The following ESRRG variants were observed in gnomAD, a reference collection of about 807,000 sequenced individuals.
ESRRG encodes the protein estrogen related receptor gamma.
A neutral mutation model predicts 44.0 loss-of-function variants in ESRRG; 13 were observed. The observed-to-expected ratio is 0.30, with a 90% CI of 0.19 to 0.47. The LOEUF (loss-of-function observed/expected upper bound fraction) is 0.47, where lower values mean the gene tolerates loss of function less well. Among genes scored for constraint, ESRRG ranks in the 20% least tolerant of loss-of-function variants. The pLI is 1.00. For synonymous variants in ESRRG, 215 were observed against 214.6 expected (o/e 1.00, Z -0.02); for missense variants, 395 against 580.6 (o/e 0.68, Z 3.29).
intron 2 of ESRRG, among the ~76,000 whole-genome samples, chr1:216,873,017 T>A (rs996000048): frequency 3.3e-5 from 5 of 152,144 alleles, no homozygotes; most frequent in African/African-American, 1.2e-4. Context: ...ATGGCTATGG[T>A]TTCAAAACTA....
chr1:216,973,498 G>A (rs1460280141), intron 1 of ESRRG, among the ~76,000 whole-genome samples: 1 of 152,166 alleles, frequency 6.6e-6, no homozygotes, highest in East Asian at 1.9e-4. Context: ...GGGCCCAGAA[G>A]CAGTGCTGGA....
At chr1:216,727,870 C>G (rs886470342), upstream of ESRRG, among the ~76,000 whole-genome samples, 1 of 152,056 alleles carries the variant, frequency 6.6e-6, no homozygotes, top group Admixed American at 6.5e-5. Flanking sequence ...ACACTAAACT[C>G]TTTTCCCACT....
intron 2 of ESRRG, among the ~76,000 whole-genome samples, chr1:216,807,766 G>A (rs1023280544): frequency 5.9e-5 from 9 of 151,990 alleles, no homozygotes; most frequent in African/African-American, 2.2e-4. Context: ...GGAGTAGATG[G>A]GTGAAAGAGA....
chr1:216,620,962 A>C (rs2062130963), intron 3 of ESRRG, among the ~76,000 whole-genome samples: 1 of 152,208 alleles, frequency 6.6e-6, no homozygotes, highest in East Asian at 1.9e-4. Flanking sequence ...AGATAATATC[A>C]ATATTGACAT....
chr1:216,654,354 C>T (rs1172843923), intron 2 of ESRRG, among the ~76,000 whole-genome samples: 8 of 151,904 alleles, frequency 5.3e-5, no homozygotes, highest in Non-Finnish European at 7.4e-5. Flanking sequence ...AAGCCAGGTG[C>T]GATGGCTCAC....
chr1:216,507,090 T>C lies in ESRRG; in HGVS notation c.1226A>G (p.Glu409Gly). The C allele has an allele frequency of 6.2e-7, 1 of 1,614,090 alleles. No individual in the cohort carries two copies. Among genetic ancestry groups the C allele is most frequent in the Non-Finnish European group, 8.5e-7 (1 of 1,180,024 alleles). ...LQDYEAGQHM[E>G]DPRRAGKMLM... ...CATCTTGCCAGCTCGACGAGGGTCT[T>C]CCATGTGCTGGCCAGCTTCATAATC... is the stretch of plus-strand genomic sequence containing the variant. The change falls in exon 7 of 7, where the codon GAA (glutamate) becomes GGA (glycine). Residue 409 changes from glutamate (E) to glycine (G), a missense_variant. This residue lies in a region of ESRRG where 167 missense variants were observed against 251.8 expected (regional missense o/e 0.66). Coordinates refer to ENST00000408911, the MANE Select transcript of ESRRG (RefSeq NM_001438.4).
intron 2 of ESRRG, among the ~76,000 whole-genome samples, chr1:216,840,110 C>A (rs868602024): frequency 5.3e-5 from 8 of 152,006 alleles, no homozygotes; most frequent in African/African-American, 1.9e-4. Flanking sequence ...CTAGATGGCA[C>A]CTTCTTCCAA....
At chr1:216,511,230 A>G (rs1487759683) in intron 6 of ESRRG, among the ~76,000 whole-genome samples, 1 of 152,170 alleles carries the variant, frequency 6.6e-6, no homozygotes. Flanking sequence ...CATGGAAAGA[A>G]TAGAGAAGTG....
chr1:216,666,299 T>C (rs1256848736), intron 2 of ESRRG, among the ~76,000 whole-genome samples: 2 of 152,240 alleles, frequency 1.3e-5, no homozygotes, highest in Non-Finnish European at 2.9e-5. Context: ...ATATACCCTA[T>C]CTGGCTTTAG....
At chr1:217,066,048 G>A (rs2089603326) in intron 1 of ESRRG, among the ~76,000 whole-genome samples, 1 of 152,118 alleles carries the variant, frequency 6.6e-6, no homozygotes, top group Admixed American at 6.5e-5. Context: ...ATTATCATGT[G>A]GACAGTCACT....
intron 1 of ESRRG, among the ~76,000 whole-genome samples, chr1:217,082,560 C>T (rs550645924): frequency 5.3e-5 from 8 of 152,078 alleles, no homozygotes; most frequent in East Asian, 1.9e-4. Context: ...TCAGGGGATA[C>T]GTGCACACAC....
intron 1 of ESRRG, among the ~76,000 whole-genome samples, chr1:217,037,263 T>C (rs996709978): frequency 5.9e-5 from 9 of 152,202 alleles, no homozygotes; most frequent in South Asian, 2.1e-4. Context: ...TTAGTCTGTT[T>C]TTATGCTGCT....
intron 1 of ESRRG, among the ~76,000 whole-genome samples, chr1:216,962,514 C>T (rs903412143): frequency 3.9e-5 from 6 of 152,140 alleles, no homozygotes; most frequent in African/African-American, 1.4e-4. Context: ...AGTCCTGCAT[C>T]TGTTGTCTCA....
chr1:216,848,354 C>CTTG (rs142497018), intron 2 of ESRRG, among the ~76,000 whole-genome samples: 5,046 of 151,080 alleles, frequency 0.033, 294 homozygotes, highest in African/African-American at 0.11. Flanking sequence ...GAATGTCTGG[C>CTTG]TTGTGCTCAG....
At chr1:217,076,958 G>A (rs535437147) in intron 1 of ESRRG, 7 of 152,280 alleles carry the variant, frequency 4.6e-5, no homozygotes, top group African/African-American at 1.7e-4. Context: ...TACCTACTTG[G>A]GTTGGTTGGA....
intron 1 of ESRRG, among the ~76,000 whole-genome samples, chr1:216,699,270 G>T (rs1319961122): frequency 1.3e-5 from 2 of 152,118 alleles, no homozygotes; most frequent in Non-Finnish European, 2.9e-5. Context: ...TGGGTGATAA[G>T]GGCAAGAATG....
rs983536095 is a variant in ESRRG at position 217,104,026 on chromosome 1, C to T, written c.-230+33641G>A. ...AAAAGAAGCACTGTTTGCTCTGATC[C>T]TTGATAACACATAAAGATACGTAAC... is the stretch of plus-strand genomic sequence containing the variant. On this transcript the variant is annotated intron_variant, in intron 1 of 8. Coordinates refer to the ESRRG transcript ENST00000366940. Among the ~76,000 whole-genome samples the T allele has an allele frequency of 8.5e-5, 13 of 152,270 alleles. No homozygotes were observed. The South Asian group carries it at 1.7e-3, about 19-fold the overall frequency.
At chr1:216,852,244 T>C (rs1314037757) in intron 2 of ESRRG, among the ~76,000 whole-genome samples, 1 of 152,172 alleles carries the variant, frequency 6.6e-6, no homozygotes, top group African/African-American at 2.4e-5. Context: ...GGCTTCTTCA[T>C]AGACAGTACT....
chr1:217,135,153 A>G (rs1213533951), intron 1 of ESRRG, among the ~76,000 whole-genome samples: 1 of 152,184 alleles, frequency 6.6e-6, no homozygotes, highest in Non-Finnish European at 1.5e-5. Flanking sequence ...CTGCGAAAGG[A>G]AAGGTCTCCA....
Sources: gnomAD v4.1 joint callset for allele counts (sites outside exome capture counted in the v4.1 genomes callset) on GRCh38, gnomAD v4.1.1 for gene constraint, gnomAD v4.1.1 regional missense constraint, MANE v1.5 for transcripts, NCBI Gene and HGNC (gene_info 2026-07-23, HGNC 2026-07-21) for gene names.